DAB1: variants seen among roughly 807,000 people sequenced by gnomAD.
The protein encoded by DAB1 is disabled homolog 1.
Under a neutral mutation model 64.6 loss-of-function variants are expected in DAB1, and 15 were observed. The observed-to-expected ratio is 0.23, with a 90% CI of 0.16 to 0.36. The LOEUF (loss-of-function observed/expected upper bound fraction) is 0.36, where lower values mean the gene tolerates loss of function less well. DAB1 is among the 10% of genes least tolerant of loss of function. The probability of loss-of-function intolerance (pLI) is 1.00; values close to 1 mark genes in which losing one functional copy is unlikely to be tolerated. For missense variants in DAB1, 596 were observed against 706.7 expected (o/e 0.84, Z 1.78); for synonymous variants, 235 against 251.9 (o/e 0.93, Z 0.64).
At chr1:58,102,148 C>G (rs917900605) in intron 5 of DAB1, among the ~76,000 whole-genome samples, 1 of 152,180 alleles carries the variant, frequency 6.6e-6, no homozygotes, top group Non-Finnish European at 1.5e-5. Flanking sequence ...AAGGCTACAC[C>G]GATAGTCAGG....
chr1:57,344,982 C>A (rs540881645), intron 1 of DAB1, among the ~76,000 whole-genome samples: 1 of 152,150 alleles, frequency 6.6e-6, no homozygotes, highest in Non-Finnish European at 1.5e-5. Flanking sequence ...TGTGCTACCC[C>A]GATAGGATAT....
chr1:57,961,781 C>T (rs1156802252), intron 5 of DAB1, among the ~76,000 whole-genome samples: 1 of 151,716 alleles, frequency 6.6e-6, no homozygotes, highest in Non-Finnish European at 1.5e-5. Flanking sequence ...CCAGCCTGAC[C>T]AACATGGAGA....
chr1:58,178,331 C>CAT (rs1279105610), intron 4 of DAB1, among the ~76,000 whole-genome samples: 1 of 152,146 alleles, frequency 6.6e-6, no homozygotes, highest in African/African-American at 2.4e-5. Flanking sequence ...TGCATGCATA[C>CAT]ATGCACATAT....
chr1:57,380,448 G>A (rs1681276071), intron 1 of DAB1, among the ~76,000 whole-genome samples: 1 of 152,182 alleles, frequency 6.6e-6, no homozygotes, highest in Non-Finnish European at 1.5e-5. Context: ...TTTTACCATA[G>A]CTAACATCTT....
At chr1:57,806,387 A>T (rs1557491286) in intron 6 of DAB1, among the ~76,000 whole-genome samples, 1 of 152,184 alleles carries the variant, frequency 6.6e-6, no homozygotes, top group Non-Finnish European at 1.5e-5. Context: ...CGTCCTTGTG[A>T]AAAGGGGGCA....
chr1:57,696,991 C>G (rs189460016), intron 6 of DAB1, among the ~76,000 whole-genome samples: 2 of 152,282 alleles, frequency 1.3e-5, no homozygotes, highest in East Asian at 3.9e-4. Context: ...CATTTTGAAG[C>G]TCCCATCCAA....
intron 1 of DAB1, among the ~76,000 whole-genome samples, chr1:57,347,173 T>C (rs769366424): frequency 6.6e-6 from 1 of 152,154 alleles, no homozygotes; most frequent in Non-Finnish European, 1.5e-5. Context: ...TTATACAAAC[T>C]AGGAGAGGAT....
intron 2 of DAB1, among the ~76,000 whole-genome samples, chr1:57,211,220 C>A (rs61765589): frequency 6.6e-6 from 1 of 152,286 alleles, no homozygotes; most frequent in Admixed American, 6.5e-5. Context: ...ACTCAGAGTT[C>A]GTTAAGGCTC....
intron 1 of DAB1, among the ~76,000 whole-genome samples, chr1:57,359,203 G>A (rs894329771): frequency 6.6e-6 from 1 of 151,962 alleles, no homozygotes; most frequent in African/African-American, 2.4e-5. Flanking sequence ...TCTGATAAGA[G>A]GTTAATATCC....
intron 6 of DAB1, among the ~76,000 whole-genome samples, chr1:57,654,042 A>G (rs1315480551): frequency 6.6e-6 from 1 of 152,242 alleles, no homozygotes; most frequent in Non-Finnish European, 1.5e-5. Context: ...AAAATATCTT[A>G]TTGTGTTTTA....
intron 5 of DAB1, among the ~76,000 whole-genome samples, chr1:58,069,065 G>T (rs1324891617): frequency 6.6e-6 from 1 of 152,176 alleles, no homozygotes; most frequent in Non-Finnish European, 1.5e-5. Context: ...GCTCGGACAT[G>T]CTATATGACG....
chr1:57,419,633 T>A (rs192457702), intron 1 of DAB1, among the ~76,000 whole-genome samples: 12 of 152,338 alleles, frequency 7.9e-5, no homozygotes, highest in African/African-American at 2.9e-4. Context: ...TGGGTTTTTA[T>A]CTCATTTGAA....
At chr1:57,155,083 T>C (rs1485264625) in intron 2 of DAB1, among the ~76,000 whole-genome samples, 5 of 152,226 alleles carry the variant, frequency 3.3e-5, no homozygotes. Context: ...TGTGGGTTAC[T>C]GCCGAAGAAA....
At chr1:57,933,372 A>G (rs1644980280) in intron 5 of DAB1, among the ~76,000 whole-genome samples, 1 of 152,162 alleles carries the variant, frequency 6.6e-6, no homozygotes, top group Admixed American at 6.5e-5. Context: ...TGTTGTTAGG[A>G]TAAAGTGGCA....
At chr1:58,064,252 C>T (rs887768161) in intron 5 of DAB1, among the ~76,000 whole-genome samples, 3 of 152,172 alleles carry the variant, frequency 2.0e-5, no homozygotes, top group Non-Finnish European at 4.4e-5. Flanking sequence ...TTAATGAACA[C>T]ACAACCCACA....
chr1:58,074,576 A>ATGTGTGTGTG (rs1649518656), intron 5 of DAB1, among the ~76,000 whole-genome samples: 1 of 126,072 alleles, frequency 7.9e-6, no homozygotes, highest in Non-Finnish European at 1.7e-5. Flanking sequence ...ATATATATAT[A>ATGTGTGTGTG]TATATATATA....
At chr1:58,239,762 C>A (rs1318128206) in intron 4 of DAB1, among the ~76,000 whole-genome samples, 1 of 152,146 alleles carries the variant, frequency 6.6e-6, no homozygotes, top group Non-Finnish European at 1.5e-5. Flanking sequence ...CACACCTGAA[C>A]CTCTCAGAGC....
chr1:57,187,288 A>G (rs1359370849), intron 2 of DAB1, among the ~76,000 whole-genome samples: 1 of 152,126 alleles, frequency 6.6e-6, no homozygotes, highest in African/African-American at 2.4e-5. Context: ...GATTTTTTCT[A>G]TTACCTATTT....
intron 9 of DAB1, among the ~76,000 whole-genome samples, chr1:57,048,910 C>T (rs1389806305): frequency 6.6e-6 from 1 of 152,208 alleles, no homozygotes; most frequent in Admixed American, 6.5e-5. Flanking sequence ...CAGCAGGCAA[C>T]TGCATATGCG....
Sources: allele counts gnomAD v4.1 joint callset (sites outside exome capture counted in the v4.1 genomes callset), GRCh38; gene constraint gnomAD v4.1.1; transcripts MANE v1.5; gene names NCBI Gene and HGNC (gene_info 2026-07-23, HGNC 2026-07-21).